BBX: variants seen among roughly 807,000 people sequenced by gnomAD.
BBX encodes HMG box transcription factor BBX.
A neutral mutation model predicts 100.2 loss-of-function variants in BBX; 30 were observed. That is an observed-to-expected ratio of 0.30 (90% CI 0.22 to 0.41). The LOEUF is 0.41. BBX is among the 10% of genes least tolerant of loss of function. The pLI, the probability that BBX is intolerant of heterozygous loss-of-function variation, is 1.00. For missense variants in BBX, 1,023 were observed against 1,129.8 expected, an observed-to-expected ratio of 0.91 and a Z score of 1.35; for synonymous variants, 376 against 388.1, an observed-to-expected ratio of 0.97 and a Z score of 0.37.
intron 13 of BBX, among the ~76,000 whole-genome samples, chr3:107,787,763 G>A (rs1305135564): frequency 6.6e-5 from 10 of 152,138 alleles, no homozygotes; most frequent in Admixed American, 6.6e-4. Context: ...AGATAGTTAA[G>A]TAAAGCCTTG....
At chr3:107,743,582 T>C (rs2064294300) in intron 7 of BBX, among the ~76,000 whole-genome samples, 1 of 152,228 alleles carries the variant, frequency 6.6e-6, no homozygotes, top group African/African-American at 2.4e-5. Flanking sequence ...TCCTGCCCAG[T>C]GGCCTGTGAC....
At position 107,772,868 on chromosome 3, in the gene BBX, G is replaced by T. The variant is rs755199661; in HGVS notation, c.1147G>T (p.Ala383Ser). The T allele has an allele frequency of 3.1e-6, 5 of 1,612,986 alleles. No individual in the cohort carries two copies. The highest frequency in any genetic ancestry group is 2.2e-5 in the South Asian group (2 of 90,596). The change falls in exon 11 of 18, where the codon GCT becomes TCT. Residue 383 changes from alanine to serine, a missense_variant. Transcript: ENST00000325805. Reference sequence around the variant, plus strand: ...GGCATTGCAAATAGATGACATAATGGCTATAAAAATGGAAGATCCCAAAGA... The same window carrying T: ...GGCATTGCAAATAGATGACATAATGTCTATAAAAATGGAAGATCCCAAAGA... ...FEALQIDDIM[A>S]IKMEDPKEIR...
intron 2 of BBX, among the ~76,000 whole-genome samples, chr3:107,605,388 G>A (rs1371848873): frequency 2.1e-5 from 3 of 144,544 alleles, no homozygotes; most frequent in Admixed American, 6.9e-5. Context: ...TTTTTTTTTG[G>A]GGGGGGGATT....
rs201375093 is a variant in BBX, at chr3:107,801,324, G to T, written c.2738+43G>T. On this transcript the variant is annotated intron_variant, in intron 17 of 17. Coordinates refer to ENST00000325805, the MANE Select transcript of BBX (RefSeq NM_001142568.3). ...GAAGGAGAAAGCAACATGGAAACCA[G>T]ATCAACCTCTTTGATGTGATTTGTG... The T allele has an allele frequency of 1.8e-4, 286 of 1,587,970 alleles. No individual in the cohort carries two copies. The African/African-American group carries it at 3.5e-3, about 19-fold the overall frequency.
intron 10 of BBX, among the ~76,000 whole-genome samples, chr3:107,758,209 A>C (rs1318238378): frequency 6.6e-6 from 1 of 152,260 alleles, no homozygotes; most frequent in Non-Finnish European, 1.5e-5. Context: ...AGGGAGGTAC[A>C]TGCAAAAGAT....
chr3:107,568,786 G>T (rs2051129739), intron 2 of BBX, among the ~76,000 whole-genome samples: 1 of 152,122 alleles, frequency 6.6e-6, no homozygotes, highest in Non-Finnish European at 1.5e-5. Context: ...CTAACAGTCT[G>T]ATCAGTCTTA....
intron 2 of BBX, among the ~76,000 whole-genome samples, chr3:107,546,879 G>A (rs1282049010): frequency 1.3e-5 from 2 of 152,168 alleles, no homozygotes; most frequent in African/African-American, 4.8e-5. Flanking sequence ...CAATTATATT[G>A]ATTTGCTGAG....
chr3:107,635,440 A>G (rs1341297901), intron 2 of BBX, among the ~76,000 whole-genome samples: 2 of 152,244 alleles, frequency 1.3e-5, no homozygotes, highest in African/African-American at 2.4e-5. Flanking sequence ...TATTGGAAAT[A>G]CCATAGAATT....
At chr3:107,624,823 C>T (rs535428397) in intron 2 of BBX, among the ~76,000 whole-genome samples, 10 of 152,190 alleles carry the variant, frequency 6.6e-5, no homozygotes, top group African/African-American at 1.7e-4. Context: ...GAGCTGAGAT[C>T]GTGCCATTGC....
chr3:107,720,446 CAG>C (rs1185176838), intron 5 of BBX, among the ~76,000 whole-genome samples: 1 of 151,684 alleles, frequency 6.6e-6, no homozygotes, highest in Non-Finnish European at 1.5e-5. Context: ...TATAAGGATT[CAG>C]AGAGAAGGAA....
At chr3:107,665,541 A>G (rs1270506961) in intron 3 of BBX, among the ~76,000 whole-genome samples, 1 of 152,036 alleles carries the variant, frequency 6.6e-6, no homozygotes, top group Non-Finnish European at 1.5e-5. Context: ...CCTGCCAGTG[A>G]TTGTCTCTCA....
intron 2 of BBX, among the ~76,000 whole-genome samples, chr3:107,550,671 G>A (rs551175064): frequency 1.4e-3 from 208 of 152,250 alleles, no homozygotes; most frequent in African/African-American, 4.8e-3. Context: ...TAAGATCAGG[G>A]TCAGATCCTG....
chr3:107,726,743 T>C (rs904516563), intron 5 of BBX, among the ~76,000 whole-genome samples: 2 of 152,022 alleles, frequency 1.3e-5, no homozygotes, highest in Middle Eastern at 3.2e-3. Context: ...AAAGAAATAA[T>C]GTATTTATGT....
At chr3:107,531,021 G>A (rs952473772) in intron 2 of BBX, among the ~76,000 whole-genome samples, 2 of 152,214 alleles carry the variant, frequency 1.3e-5, no homozygotes, top group Non-Finnish European at 2.9e-5. Flanking sequence ...CTGGGGTGGG[G>A]CCATGGAATT....
At chr3:107,750,017 T>A (rs1403711243) in intron 9 of BBX, among the ~76,000 whole-genome samples, 1 of 152,202 alleles carries the variant, frequency 6.6e-6, no homozygotes, top group African/African-American at 2.4e-5. Context: ...ACTGGTTTGG[T>A]GGTGTAATAG....
chr3:107,798,071 C>A (rs2069937547), intron 15 of BBX, among the ~76,000 whole-genome samples: 2 of 152,246 alleles, frequency 1.3e-5, no homozygotes, highest in Admixed American at 1.3e-4. Flanking sequence ...AAGCAAATGT[C>A]CCAACCATAA....
intron 2 of BBX, among the ~76,000 whole-genome samples, chr3:107,612,571 C>G (rs2054920012): frequency 6.6e-6 from 1 of 152,184 alleles, no homozygotes; most frequent in South Asian, 2.1e-4. Flanking sequence ...CTGTTGTTCT[C>G]TTTCCTTACT....
intron 2 of BBX, among the ~76,000 whole-genome samples, chr3:107,642,075 G>A (rs1045571050): frequency 6.6e-6 from 1 of 152,128 alleles, no homozygotes; most frequent in Non-Finnish European, 1.5e-5. Context: ...GTGACCTGAG[G>A]CATGGAATTA....
intron 3 of BBX, chr3:107,659,880 G>A (rs879495511): frequency 1.1e-5 from 6 of 535,570 alleles, no homozygotes; most frequent in Non-Finnish European, 1.7e-5. Context: ...AAATTAAGAG[G>A]GACGTATAAT....
Sources: gnomAD v4.1 joint callset for allele counts (sites outside exome capture counted in the v4.1 genomes callset) on GRCh38, gnomAD v4.1.1 for gene constraint, MANE v1.5 for transcripts, NCBI Gene and HGNC (gene_info 2026-07-23, HGNC 2026-07-21) for gene names.